The following SSBP2 variants were observed in gnomAD, a reference collection of about 807,000 sequenced individuals.
SSBP2 encodes the protein single stranded DNA binding protein 2, also known as single-stranded DNA-binding protein 2.
A neutral mutation model predicts 61.8 loss-of-function variants in SSBP2; 17 were observed. The ratio of observed to expected loss-of-function variants is 0.28; its 90% CI spans 0.19 to 0.41. The LOEUF is 0.41. SSBP2 is among the 10% of genes least tolerant of loss of function. The pLI, the probability that SSBP2 is intolerant of heterozygous loss-of-function variation, is 1.00. For synonymous variants in SSBP2, 139 were observed against 141.3 expected (o/e 0.98, Z 0.12); for missense variants, 310 against 458.7 (o/e 0.68, Z 2.96).
At chr5:81,747,025 G>T (rs986729092) in intron 1 of SSBP2, among the ~76,000 whole-genome samples, 2 of 141,208 alleles carry the variant, frequency 1.4e-5, no homozygotes, top group African/African-American at 5.1e-5. Flanking sequence ...AAATTCCTGG[G>T]GGGGGGGGGA....
Position 81,615,371 on chromosome 5 carries a change from A to G in SSBP2, c.282+102T>C, listed in dbSNP as rs1212199951. On this transcript the variant is annotated intron_variant, in intron 4 of 16. Coordinates refer to ENST00000320672, the MANE Select transcript of SSBP2 (RefSeq NM_012446.5). ...GAAAAAAGAGACCAAACAATTTCTTAAGTACCAAAACAAAAGAATAGATGA... is the reference window on the plus strand; with the variant it reads ...GAAAAAAGAGACCAAACAATTTCTTGAGTACCAAAACAAAAGAATAGATGA... 5 of 860,522 alleles carry G rather than the reference A, an allele frequency of 5.8e-6. No individual in the cohort carries two copies. In the East Asian group the frequency reaches 1.3e-4, roughly 22 times the overall value. 53.3% of individuals were successfully genotyped at this position (860,522 alleles called of 1,614,324 possible). A position where few individuals can be genotyped will look rare whatever the true frequency, so the allele number is the denominator to read the frequency against.
At chr5:81,647,556 T>G (rs1460331436) in intron 2 of SSBP2, among the ~76,000 whole-genome samples, 1 of 152,070 alleles carries the variant, frequency 6.6e-6, no homozygotes, top group Non-Finnish European at 1.5e-5. Flanking sequence ...CATTCAGAGT[T>G]TGGCAGCCTA....
At chr5:81,497,635 TA>T (rs1206189250) in intron 5 of SSBP2, among the ~76,000 whole-genome samples, 2 of 152,120 alleles carry the variant, frequency 1.3e-5, no homozygotes, top group Non-Finnish European at 1.5e-5. Context: ...TTAAATAGGA[TA>T]AATTATATCT....
chr5:81,538,253 T>C (rs979957923), intron 4 of SSBP2, among the ~76,000 whole-genome samples: 7 of 152,128 alleles, frequency 4.6e-5, no homozygotes, highest in African/African-American at 1.4e-4. Flanking sequence ...GGATAGAAGA[T>C]CAAACCAGCC....
chr5:81,508,070 A>G (rs867815066), intron 5 of SSBP2, among the ~76,000 whole-genome samples: 1 of 152,308 alleles, frequency 6.6e-6, no homozygotes, highest in East Asian at 1.9e-4. Context: ...CTTTTAATAC[A>G]TAACTCAAAT....
In SSBP2 at chr5:81,569,876, G is replaced by A. The variant is rs150133668; in HGVS notation, c.282+45597C>T. On this transcript the variant is annotated intron_variant, in intron 4 of 16. Coordinates refer to ENST00000320672, the MANE Select transcript of SSBP2 (RefSeq NM_012446.5). ...GCGACACTAAATTAAAGCTTGTTAC[G>A]GTAATAATCATGGTAGTGTAAAGTG... 5.8e-4 allele frequency among the ~76,000 whole-genome samples: 88 copies of A among 152,128 alleles called. 2 individuals carry two copies. In the South Asian group the frequency reaches 9.6e-3, roughly 17 times the overall value.
intron 1 of SSBP2, among the ~76,000 whole-genome samples, chr5:81,681,015 T>C (rs1208097132): frequency 2.6e-5 from 4 of 152,038 alleles, no homozygotes; most frequent in Admixed American, 2.6e-4. Flanking sequence ...CAAACCACAT[T>C]TGGGGCCATA....
chr5:81,421,552 G>T (rs769408849), intron 16 of SSBP2, among the ~76,000 whole-genome samples: 2 of 152,112 alleles, frequency 1.3e-5, no homozygotes, highest in African/African-American at 2.4e-5. Flanking sequence ...ATTGTTACAT[G>T]CGGACTTGTC....
intron 4 of SSBP2, among the ~76,000 whole-genome samples, chr5:81,554,453 GATA>G (rs1456359357): frequency 9.3e-5 from 14 of 150,378 alleles, no homozygotes; most frequent in South Asian, 2.1e-4. Flanking sequence ...TTTAATTTTA[GATA>G]ATAATTATAT....
chr5:81,466,988 C>G lies in SSBP2; in HGVS notation c.624G>C (p.Met208Ile), dbSNP rs1292436486. The stretch of plus-strand genomic sequence containing the variant: ...ACATTGCTTACATGTTCATTCCAGG[C>G]ATTCCAGGGCCACCTAAAGCATTCA... The change falls in exon 9 of 17, where the codon ATG becomes ATC. Residue 208 changes from methionine (M) to isoleucine (I), a missense_variant. Met to Ile is a conservative substitution (Grantham distance 10). Around this residue, in one of 4 missense-constraint regions of SSBP2, gnomAD observed 209 missense variants for 286.4 expected, o/e 0.73. Coordinates refer to ENST00000320672, the MANE Select transcript of SSBP2 (RefSeq NM_012446.5). The G allele has an allele frequency of 6.2e-7, 1 of 1,607,152 alleles. No individual in the cohort carries two copies. Among genetic ancestry groups the G allele is most frequent in the African/African-American group, 1.3e-5 (1 of 74,806 alleles).
At chr5:81,487,192 G>T (rs1266392289) in intron 6 of SSBP2, among the ~76,000 whole-genome samples, 2 of 152,140 alleles carry the variant, frequency 1.3e-5, no homozygotes, top group African/African-American at 4.8e-5. Flanking sequence ...TAGAGAAAGT[G>T]ACAAGACAAT....
chr5:81,548,998 ATTTAT>A (rs996391452), intron 4 of SSBP2, among the ~76,000 whole-genome samples: 2 of 152,194 alleles, frequency 1.3e-5, no homozygotes, highest in Non-Finnish European at 2.9e-5. Context: ...CTGACATTAT[ATTTAT>A]TTTATCTAAG....
In SSBP2 at chr5:81,415,999, GATCA is replaced by G. The variant is rs1184729294; in HGVS notation, c.*4501_*4504del. ...GCACTTTGGGAGGCTGAGGCGGGCA[GATCA>G]CTTGAGGTCAGGAGTTCCAGACCAG... On this transcript the variant is annotated 3_prime_UTR_variant, in exon 17 of 17. Coordinates refer to ENST00000320672, the MANE Select transcript of SSBP2 (RefSeq NM_012446.5). The G allele has an allele frequency of 6.6e-6, 1 of 150,900 alleles. No homozygotes were observed. The highest frequency in any genetic ancestry group is 1.5e-5 in the Non-Finnish European group (1 of 67,938). The allele number at this position is 150,900 out of a possible 1,614,324, so 9.3% of individuals were successfully genotyped here.
rs369643892 is a variant in SSBP2 at position 81,636,488 on chromosome 5, A to C, written c.197+69T>G. The C allele has an allele frequency of 3.7e-5, 43 of 1,156,504 alleles. No homozygotes were observed. The East Asian group carries it at 7.7e-4, about 21-fold the overall frequency. 71.6% of individuals were successfully genotyped at this position (1,156,504 alleles called of 1,614,324 possible). On this transcript the variant is annotated intron_variant, in intron 3 of 16. Transcript: ENST00000320672. ...AAATAAAAAGGAAGCATGAAATCAT[A>C]AACAGGTATAGTACAGGCCTATTGA... is the stretch of plus-strand genomic sequence containing the variant.
At chr5:81,630,772 A>G (rs956481495) in intron 3 of SSBP2, among the ~76,000 whole-genome samples, 4 of 151,970 alleles carry the variant, frequency 2.6e-5, no homozygotes, top group African/African-American at 9.7e-5. Context: ...AAAAAAAAAA[A>G]AAGCTACAGA....
chr5:81,561,253 T>A (rs538368301), intron 4 of SSBP2, among the ~76,000 whole-genome samples: 275 of 152,260 alleles, frequency 1.8e-3, no homozygotes, highest in Non-Finnish European at 3.4e-3. Flanking sequence ...AGACTGAGAA[T>A]AGAAAAAGAA....
chr5:81,564,329 G>T (rs1449417343), intron 4 of SSBP2, among the ~76,000 whole-genome samples: 1 of 152,180 alleles, frequency 6.6e-6, no homozygotes, highest in East Asian at 1.9e-4. Context: ...TGTTTGCCTT[G>T]AGAGTGCCTG....
intron 4 of SSBP2, among the ~76,000 whole-genome samples, chr5:81,530,315 T>C (rs754525244): frequency 3.8e-4 from 58 of 152,098 alleles, no homozygotes; most frequent in Non-Finnish European, 7.5e-4. Flanking sequence ...TTATTTTCAT[T>C]ACTTAGTTGA....
chr5:81,549,286 C>CTG (rs1771994794), intron 4 of SSBP2, among the ~76,000 whole-genome samples: 1 of 152,168 alleles, frequency 6.6e-6, no homozygotes, highest in Non-Finnish European at 1.5e-5. Context: ...ATCAATCAAT[C>CTG]TCTCGCCTTG....
Sources: allele counts gnomAD v4.1 joint callset (sites outside exome capture counted in the v4.1 genomes callset), GRCh38; gene constraint gnomAD v4.1.1; regional missense constraint gnomAD v4.1.1; transcripts MANE v1.5; gene names NCBI Gene and HGNC (gene_info 2026-07-23, HGNC 2026-07-21).